The following CCDC88A variants were observed in gnomAD, a reference collection of about 807,000 sequenced individuals.
The protein encoded by CCDC88A is girdin.
In CCDC88A, 54 loss-of-function variants were observed where a neutral mutation model predicts 234.3. The ratio of observed to expected loss-of-function variants is 0.23; its 90% CI spans 0.19 to 0.29. CCDC88A has a LOEUF of 0.29. Among genes scored for constraint, CCDC88A ranks in the 10% least tolerant of loss-of-function variants. CCDC88A has a pLI of 1.00. For missense variants in CCDC88A, 1,832 were observed against 2,123.4 expected, an observed-to-expected ratio of 0.86 and a Z score of 2.70; for synonymous variants, 753 against 737.8, an observed-to-expected ratio of 1.02 and a Z score of -0.33.
chr2:55,370,943 T>G (rs1268998877), intron 5 of CCDC88A, among the ~76,000 whole-genome samples: 2 of 151,270 alleles, frequency 1.3e-5, no homozygotes, highest in African/African-American at 4.9e-5. Context: ...ACCCTGGAGG[T>G]CAAGGCTGCA....
intron 5 of CCDC88A, among the ~76,000 whole-genome samples, chr2:55,365,736 G>C (rs930726907): frequency 6.6e-6 from 1 of 152,074 alleles, no homozygotes; most frequent in African/African-American, 2.4e-5. Flanking sequence ...CTTCCCTAAG[G>C]ATACAGAATA....
In CCDC88A at chr2:55,336,768, A is replaced by G; in HGVS notation, c.1569T>C (p.Asn523=). 1.9e-6 allele frequency: 3 copies of G among 1,595,906 alleles called. No homozygotes were observed. Among genetic ancestry groups the G allele is most frequent in the Non-Finnish European group, 2.6e-6 (3 of 1,168,412 alleles). The stretch of plus-strand genomic sequence containing the variant: ...TTAGATCCTTGCTTAAATTCTGACA[A>G]TTCTGAAGACTTTGCTTTTCTTGAA... ...EIVQEKQSLQ[N]CQNLSKDLMK... The change falls in exon 14 of 33, where the codon AAT becomes AAC. Residue 523 remains asparagine, a synonymous_variant. Coordinates refer to ENST00000436346, the MANE Select transcript of CCDC88A (RefSeq NM_001365480.1).
chr2:55,384,579 GTGTA>G (rs1675208970), intron 3 of CCDC88A, among the ~76,000 whole-genome samples: 1 of 84,642 alleles, frequency 1.2e-5, no homozygotes, highest in Non-Finnish European at 2.3e-5. Context: ...ACGTATATAT[GTGTA>G]TATATACACA....
rs913864008 is a variant in CCDC88A, at chr2:55,317,061, C to G, written c.3746+145G>C. On this transcript the variant is annotated intron_variant, in intron 21 of 32. Transcript: ENST00000436346. The surrounding 1 kb of genome is among the most constrained non-coding windows in gnomAD (Gnocchi z 4.2). ...ATTCTATTTTTTAAAATTCCGAATT[C>G]AAACTATGCTTGGTACTACAAAGGG... The G allele has an allele frequency of 1.4e-5, 4 of 280,770 alleles. No individual in the cohort carries two copies. The highest frequency in any genetic ancestry group is 8.9e-5 in the African/African-American group (4 of 44,996). The allele number at this position is 280,770 out of a possible 1,614,324, so 17.4% of individuals were successfully genotyped here.
intron 7 of CCDC88A, among the ~76,000 whole-genome samples, chr2:55,356,997 C>G (rs759339303): frequency 1.3e-5 from 2 of 152,144 alleles, no homozygotes; most frequent in African/African-American, 4.8e-5. Flanking sequence ...CTGGGACAGC[C>G]CAGAAATACA....
intron 4 of CCDC88A, among the ~76,000 whole-genome samples, 162 bp from the exon 5 acceptor site, chr2:55,372,672 C>CA (rs1673013616): frequency 6.6e-6 from 1 of 152,128 alleles, no homozygotes; most frequent in East Asian, 1.9e-4. Context: ...TGTGTATGTA[C>CA]ACGGTGGTAA....
In CCDC88A at chr2:55,290,371, A is replaced by G. The variant is rs2104533491; in HGVS notation, c.*829T>C. On this transcript the variant is annotated 3_prime_UTR_variant, in exon 33 of 33. Coordinates refer to ENST00000436346, the MANE Select transcript of CCDC88A (RefSeq NM_001365480.1). ...AATGCACACGCATACATAACCCAAT[A>G]CCAAAGAAAAGAAATGAGTTAAAGC... 6.6e-6 allele frequency: 1 copy of G among 152,156 alleles called. No individual in the cohort carries two copies. The highest frequency in any genetic ancestry group is 3.4e-3 in the Middle Eastern group (1 of 294). The allele number at this position is 152,156 out of a possible 1,614,324, so 9.4% of individuals were successfully genotyped here. A position where few individuals can be genotyped will look rare whatever the true frequency, so the allele number is the denominator to read the frequency against.
chr2:55,361,613 A>G (rs1280208905), intron 7 of CCDC88A, among the ~76,000 whole-genome samples: 2 of 152,200 alleles, frequency 1.3e-5, no homozygotes, highest in East Asian at 3.8e-4. Flanking sequence ...TGTCTCTCAC[A>G]TGTAAACGAA....
rs1354376834 is a variant in CCDC88A, at chr2:55,336,700, C to T, written c.1637G>A (p.Arg546Lys). 5.7e-6 allele frequency: 9 copies of T among 1,578,588 alleles called. No individual in the cohort carries two copies. The highest frequency in any genetic ancestry group is 1.4e-5 in the African/African-American group (1 of 73,112). ...AQLEKTIETLRENSERQIKIL... is the reference protein window; with the variant it reads ...AQLEKTIETLKENSERQIKIL... Reference sequence around the variant, plus strand: ...ATGAACCTGTCTCTCTGAATTTTCTCTCAGTGTTTCTATTGTTTTTTCAAG... The same window carrying T: ...ATGAACCTGTCTCTCTGAATTTTCTTTCAGTGTTTCTATTGTTTTTTCAAG... The change falls in exon 14 of 33, where the codon AGA (arginine) becomes AAA (lysine). Residue 546 changes from arginine to lysine, a missense_variant. Around this residue, in one of 6 missense-constraint regions of CCDC88A, gnomAD observed 1,282 missense variants for 1,543.6 expected, o/e 0.83. Transcript: ENST00000436346.
chr2:55,343,353 T>G (rs544306662), intron 12 of CCDC88A, among the ~76,000 whole-genome samples: 4 of 152,288 alleles, frequency 2.6e-5, no homozygotes, highest in African/African-American at 9.6e-5. Flanking sequence ...ATGGCTATAT[T>G]TCTTAAAATA....
Position 55,334,549 on chromosome 2 carries a change from A to C in CCDC88A, c.2272T>G (p.Tyr758Asp). The C allele has an allele frequency of 6.2e-7, 1 of 1,612,644 alleles. No individual in the cohort carries two copies. The highest frequency in any genetic ancestry group is 1.1e-5 in the South Asian group (1 of 91,052). ...FKKTERLEVS[Y>D]QGLDIENQRL... Reference sequence around the variant, plus strand: ...TGATTTTCTATATCTAAACCCTGGTAGCTAACTTCTAAGCGTTCTGTTTTC... The same window carrying C: ...TGATTTTCTATATCTAAACCCTGGTCGCTAACTTCTAAGCGTTCTGTTTTC... The change falls in exon 15 of 33, where the codon TAC becomes GAC. Residue 758 changes from tyrosine (Y) to aspartate (D), a missense_variant. Transcript: ENST00000436346. This position sits in a 1 kb window ranked among gnomAD's most constrained non-coding sequence, Gnocchi z 6.1.
Position 55,331,656 on chromosome 2 carries a change from T to G in CCDC88A, c.2855+910A>C, listed in dbSNP as rs990937355. On this transcript the variant is annotated intron_variant, in intron 16 of 32. Coordinates refer to ENST00000436346, the MANE Select transcript of CCDC88A (RefSeq NM_001365480.1). ...GCTGACTGGATGCTAAATAATAGAC[T>G]TGAAAATCAGATTAACTCTGTTTGA... 2.6e-5 allele frequency among the ~76,000 whole-genome samples: 4 copies of G among 152,136 alleles called. No homozygotes were observed. In the South Asian group the frequency reaches 8.3e-4, roughly 31 times the overall value.
intron 2 of CCDC88A, chr2:55,405,938 T>A (rs886349704): frequency 1.1e-4 from 17 of 152,084 alleles, no homozygotes; most frequent in African/African-American, 3.9e-4. Flanking sequence ...GGCGGTTGGA[T>A]CACGAGGTCA....
chr2:55,299,645 GCTC>G (rs1433491324), intron 29 of CCDC88A, among the ~76,000 whole-genome samples, 191 bp downstream of exon 29: 1 of 152,090 alleles, frequency 6.6e-6, no homozygotes, highest in Non-Finnish European at 1.5e-5. Context: ...CTAAATAACT[GCTC>G]CTGTTTTTAC....
chr2:55,387,643 A>G (rs1464055753), intron 3 of CCDC88A, among the ~76,000 whole-genome samples: 1 of 151,738 alleles, frequency 6.6e-6, no homozygotes, highest in Non-Finnish European at 1.5e-5. Flanking sequence ...TTAGCTGGAC[A>G]CGGTGGTGCA....
At chr2:55,383,143 T>C (rs1025384610) in intron 3 of CCDC88A, among the ~76,000 whole-genome samples, 2 of 151,498 alleles carry the variant, frequency 1.3e-5, no homozygotes, top group Non-Finnish European at 2.9e-5. Context: ...TAAATTGAAA[T>C]AATCCTCCCT....
intron 3 of CCDC88A, among the ~76,000 whole-genome samples, chr2:55,379,957 C>T (rs969864580): frequency 4.0e-5 from 6 of 148,908 alleles, no homozygotes; most frequent in African/African-American, 1.5e-4. Flanking sequence ...TGTGCAGTGG[C>T]TCATGCCTGT....
chr2:55,318,310 G>T (rs1683212214), intron 19 of CCDC88A, among the ~76,000 whole-genome samples: 1 of 152,048 alleles, frequency 6.6e-6, no homozygotes, highest in Non-Finnish European at 1.5e-5. Flanking sequence ...CAAAGAAAAG[G>T]GTTACAGAAA....
At chr2:55,375,387 G>A (rs972437764) in intron 3 of CCDC88A, among the ~76,000 whole-genome samples, 5 of 150,350 alleles carry the variant, frequency 3.3e-5, no homozygotes, top group South Asian at 2.1e-4. Context: ...ATAAAAGTTC[G>A]AGCATGTGTG....
Sources: allele counts gnomAD v4.1 joint callset (sites outside exome capture counted in the v4.1 genomes callset), GRCh38; gene constraint gnomAD v4.1.1; regional missense constraint gnomAD v4.1.1; non-coding constraint Gnocchi (gnomAD v3.1); transcripts MANE v1.5; gene names NCBI Gene and HGNC (gene_info 2026-07-23, HGNC 2026-07-21).